The following DEFB119 variants were observed in gnomAD, a reference collection of about 807,000 sequenced individuals.
DEFB119 encodes the protein beta-defensin 119.
In DEFB119, 3 loss-of-function variants were observed where a neutral mutation model predicts 2.5. The observed-to-expected ratio is 1.19, with a 90% CI of 0.54 to 3.07. DEFB119 has a LOEUF of 3.07. DEFB119 is among the 30% of genes most tolerant of loss of function. The pLI is 0.03. For missense variants in DEFB119, 113 were observed against 101.1 expected (o/e 1.12, Z -0.50); for synonymous variants, 29 against 33.7 (o/e 0.86, Z 0.48).
At chr20:31,379,068 G>A (rs1388552569) in intron 1 of DEFB119, among the ~76,000 whole-genome samples, 1 of 151,814 alleles carries the variant, frequency 6.6e-6, no homozygotes, top group Admixed American at 6.6e-5. Flanking sequence ...CTCCCATGTA[G>A]CTAGGATTAC....
intron 1 of DEFB119, among the ~76,000 whole-genome samples, chr20:31,385,102 A>C (rs575375117): frequency 6.6e-6 from 1 of 152,230 alleles, no homozygotes; most frequent in Non-Finnish European, 1.5e-5. Flanking sequence ...ACAAATTAAC[A>C]AACTGCTAGA....
chr20:31,388,961 C>G, intron 1 of DEFB119: 1 of 1,583,844 alleles, frequency 6.3e-7, no homozygotes, highest in Non-Finnish European at 8.6e-7. Flanking sequence ...TTGACAGACA[C>G]CAGAAACAAA....
At chr20:31,384,559 G>A (rs745553106) in intron 1 of DEFB119, among the ~76,000 whole-genome samples, 16 of 152,092 alleles carry the variant, frequency 1.1e-4, no homozygotes, top group Admixed American at 2.0e-4. Flanking sequence ...TAATAGATAT[G>A]GTATGGGAAA....
At chr20:31,382,971 G>C (rs1426982373) in intron 1 of DEFB119, among the ~76,000 whole-genome samples, 2 of 152,190 alleles carry the variant, frequency 1.3e-5, no homozygotes, top group African/African-American at 4.8e-5. Context: ...TGGAGAAAAA[G>C]TGATAACCTA....
At chr20:31,378,308 A>G in intron 1 of DEFB119, 3 of 1,613,988 alleles carry the variant, frequency 1.9e-6, no homozygotes, top group Non-Finnish European at 2.5e-6. Flanking sequence ...TCCCCATCCC[A>G]ACCAAGGCAG....
At chr20:31,379,886 C>T (rs534030267) in intron 1 of DEFB119, among the ~76,000 whole-genome samples, 28 of 152,162 alleles carry the variant, frequency 1.8e-4, no homozygotes, top group African/African-American at 6.5e-4. Context: ...AGGATAGCCT[C>T]GATTTCCTGA....
intron 1 of DEFB119, among the ~76,000 whole-genome samples, chr20:31,378,709 A>G (rs1025370380): frequency 4.6e-5 from 7 of 152,100 alleles, no homozygotes; most frequent in African/African-American, 1.4e-4. Context: ...TTTTTTCTTT[A>G]AGACCATGTG....
intron 1 of DEFB119, chr20:31,389,143 C>A: frequency 1.2e-6 from 2 of 1,614,226 alleles, no homozygotes; most frequent in Non-Finnish European, 1.7e-6. Context: ...ACTAGGAACA[C>A]AGCACCGTTT....
chr20:31,384,140 TCAC>T (rs1329195687), intron 1 of DEFB119, among the ~76,000 whole-genome samples: 1 of 152,208 alleles, frequency 6.6e-6, no homozygotes, highest in Non-Finnish European at 1.5e-5. Context: ...AGAGACTTGA[TCAC>T]CAACAGGAGC....
At chr20:31,388,339 C>A (rs1411635907) in intron 1 of DEFB119, 1 of 981,060 alleles carries the variant, frequency 1.0e-6, no homozygotes, top group Admixed American at 6.1e-5. Context: ...ATTATTATGT[C>A]ATTTCATCCT....
At chr20:31,389,073 C>T (rs1986823010) in intron 1 of DEFB119, 16 of 1,614,194 alleles carry the variant, frequency 9.9e-6, no homozygotes, top group Non-Finnish European at 1.4e-5. Context: ...TTGTGGACAT[C>T]TGAGGAGTGG....
In DEFB119 at chr20:31,377,325, G is replaced by T. The variant is rs867079819; in HGVS notation, c.176C>A (p.Ser59Tyr). ...CRNCQSCCLQSYMRISISGKE... is the reference protein window; with the variant it reads ...CRNCQSCCLQYYMRISISGKE... Reference sequence around the variant, plus strand: ...GCCAGAAATGCTTATCCTCATGTAGGACTGGAGGCAGCAGGACTGACAATT... The same window carrying T: ...GCCAGAAATGCTTATCCTCATGTAGTACTGGAGGCAGCAGGACTGACAATT... The change falls in exon 2 of 2, where the codon TCC becomes TAC. Residue 59 changes from serine (S) to tyrosine (Y), a missense_variant. Coordinates refer to ENST00000376321, the MANE Select transcript of DEFB119 (RefSeq NM_153289.4). 1 of 1,614,162 alleles carries T rather than the reference G, an allele frequency of 6.2e-7. No individual in the cohort carries two copies. The highest frequency in any genetic ancestry group is 8.5e-7 in the Non-Finnish European group (1 of 1,180,028).
intron 1 of DEFB119, among the ~76,000 whole-genome samples, chr20:31,384,910 AT>A (rs1465162985): frequency 1.3e-5 from 2 of 152,150 alleles, no homozygotes; most frequent in Non-Finnish European, 2.9e-5. Context: ...TCTGCCTTCT[AT>A]TTTTGTAAAA....
chr20:31,389,355 C>A, intron 1 of DEFB119: 1 of 1,156,644 alleles, frequency 8.6e-7, no homozygotes, highest in South Asian at 1.4e-5. Context: ...TGAGTAATGC[C>A]AGACCCAGTC....
intron 1 of DEFB119, chr20:31,388,245 G>A: frequency 1.0e-6 from 1 of 985,376 alleles, no homozygotes; most frequent in Non-Finnish European, 1.2e-6. Context: ...AACACAGTTG[G>A]AAGGCACACA....
intron 1 of DEFB119, among the ~76,000 whole-genome samples, chr20:31,384,469 T>A (rs924983839): frequency 2.0e-5 from 3 of 151,832 alleles, no homozygotes; most frequent in Non-Finnish European, 4.4e-5. Context: ...ATAAAAAAAA[T>A]TCACCGAAAA....
At chr20:31,385,280 A>G (rs1389475730) in intron 1 of DEFB119, among the ~76,000 whole-genome samples, 5 of 151,332 alleles carry the variant, frequency 3.3e-5, no homozygotes, top group African/African-American at 1.2e-4. Flanking sequence ...TTCTCATAGA[A>G]TGCCCATATC....
intron 1 of DEFB119, among the ~76,000 whole-genome samples, chr20:31,386,904 C>T (rs1020676384): frequency 6.7e-6 from 1 of 149,400 alleles, no homozygotes; most frequent in Non-Finnish European, 1.5e-5. Flanking sequence ...AGCTCCGCCT[C>T]CCGGGTTCAC....
At chr20:31,378,441 A>C (rs1234020785) in intron 1 of DEFB119, 2 of 1,612,120 alleles carry the variant, frequency 1.2e-6, no homozygotes, top group African/African-American at 2.7e-5. Flanking sequence ...ATGATCCAGC[A>C]TCTCATAACA....
Sources: gnomAD v4.1 joint callset for allele counts (sites outside exome capture counted in the v4.1 genomes callset) on GRCh38, gnomAD v4.1.1 for gene constraint, MANE v1.5 for transcripts, NCBI Gene and HGNC (gene_info 2026-07-23, HGNC 2026-07-21) for gene names.